Variants in SMAD1 observed in about 807,000 individuals in gnomAD.
SMAD1 encodes MAD, mothers against decapentaplegic homolog 1.
Under a neutral mutation model 41.6 loss-of-function variants are expected in SMAD1, and 6 were observed. That is an observed-to-expected ratio of 0.14 (90% CI 0.08 to 0.28). The LOEUF (loss-of-function observed/expected upper bound fraction) is 0.28, where lower values mean the gene tolerates loss of function less well. Among genes scored for constraint, SMAD1 ranks in the 10% least tolerant of loss-of-function variants. The probability of loss-of-function intolerance (pLI) is 1.00; values close to 1 mark genes in which losing one functional copy is unlikely to be tolerated. For missense variants in SMAD1, 379 were observed against 582.6 expected (o/e 0.65, Z 3.60); for synonymous variants, 206 against 203.2 (o/e 1.01, Z -0.12).
chr4:145,522,154 G>T lies in SMAD1; in HGVS notation c.400+7141G>T, dbSNP rs961741280. On this transcript the variant is annotated intron_variant, in intron 2 of 6. Transcript: ENST00000302085. The stretch of plus-strand genomic sequence containing the variant: ...TGCTAAAAATACAAAAAAAAAATTA[G>T]CCGGGCGAGGTGGCGGGCGCCTGTA... 2.6e-5 allele frequency among the ~76,000 whole-genome samples: 4 copies of T among 151,424 alleles called. 1 individual carries two copies. The highest frequency in any genetic ancestry group is 1.3e-4 in the Admixed American group (2 of 15,200).
chr4:145,519,253 G>A (rs1184476649), intron 2 of SMAD1, among the ~76,000 whole-genome samples: 1 of 69,890 alleles, frequency 1.4e-5, no homozygotes, highest in Non-Finnish European at 5.4e-5. Flanking sequence ...GCATCACCAC[G>A]CCCAGCTAAT....
rs141611793 is a variant in SMAD1, at chr4:145,557,666, G to A, written c.1255-125G>A. On this transcript the variant is annotated intron_variant, in intron 6 of 6. Coordinates refer to ENST00000302085, the MANE Select transcript of SMAD1 (RefSeq NM_005900.3). The stretch of plus-strand genomic sequence containing the variant: ...TGTGTGTTTTTTTCTCCCCAGGGGC[G>A]GGGGGGTCAGGGAGGAAAGATGCAT... 0.012 allele frequency: 7,287 copies of A among 626,164 alleles called. 70 individuals carry two copies. Among genetic ancestry groups the A allele is most frequent in the Non-Finnish European group, 0.015 (5,751 of 386,146 alleles). The allele number at this position is 626,164 out of a possible 1,614,324, so 38.8% of individuals were successfully genotyped here.
At position 145,546,799 on chromosome 4, in the gene SMAD1, C is replaced by G. The variant is rs376805776; in HGVS notation, c.872C>G (p.Ser291Cys). 1.2e-6 allele frequency: 2 copies of G among 1,614,110 alleles called. No homozygotes were observed. Among genetic ancestry groups the G allele is most frequent in the South Asian group, 2.2e-5 (2 of 91,084 alleles). The change falls in exon 5 of 7, where the codon TCC becomes TGC. Residue 291 changes from serine (S) to cysteine (C), a missense_variant. This residue lies in a region of SMAD1 where 208 missense variants were observed against 210.5 expected (regional missense o/e 0.99). Transcript: ENST00000302085. ...NRVGEAFHAS[S>C]TSVLVDGFTD... ...GTGGGTGAAGCGTTCCATGCCTCCT[C>G]CACAAGTGTGTTGGTGGATGGTTTC...
chr4:145,530,252 T>C (rs775037066), intron 2 of SMAD1, among the ~76,000 whole-genome samples: 7 of 152,030 alleles, frequency 4.6e-5, no homozygotes, highest in Non-Finnish European at 1.0e-4. Flanking sequence ...CAGGGGTGGA[T>C]AGAAAGACCG....
chr4:145,495,433 C>CT (rs1477647459), intron 1 of SMAD1, among the ~76,000 whole-genome samples: 1 of 152,086 alleles, frequency 6.6e-6, no homozygotes, highest in Non-Finnish European at 1.5e-5. Flanking sequence ...AAATTAATAT[C>CT]TTAGCATCTT....
At chr4:145,533,506 C>T (rs1731434929) in intron 2 of SMAD1, among the ~76,000 whole-genome samples, 1 of 151,918 alleles carries the variant, frequency 6.6e-6, no homozygotes, top group Non-Finnish European at 1.5e-5. Flanking sequence ...GGCAACATAG[C>T]GAGACCCTGT....
chr4:145,494,427 A>G (rs1312416747), intron 1 of SMAD1, among the ~76,000 whole-genome samples: 1 of 152,216 alleles, frequency 6.6e-6, no homozygotes, highest in Non-Finnish European at 1.5e-5. Context: ...CTGCTTGTCT[A>G]GTCTAGCATC....
chr4:145,497,735 A>G (rs1380475832), intron 1 of SMAD1: 2 of 152,218 alleles, frequency 1.3e-5, no homozygotes, highest in Non-Finnish European at 2.9e-5. Context: ...GACTAGATTC[A>G]TGGGCACAGG....
chr4:145,555,365 C>T (rs1219375716), intron 6 of SMAD1, among the ~76,000 whole-genome samples: 1 of 152,184 alleles, frequency 6.6e-6, no homozygotes, highest in Non-Finnish European at 1.5e-5. Flanking sequence ...GAAAGAACAG[C>T]TCTTGAGAGT....
chr4:145,552,726 C>T (rs1732618186), intron 5 of SMAD1, among the ~76,000 whole-genome samples: 1 of 152,074 alleles, frequency 6.6e-6, no homozygotes, highest in Non-Finnish European at 1.5e-5. Context: ...TCCTTTCTTC[C>T]CTTTCTAAAA....
chr4:145,537,635 A>G (rs753274004), intron 2 of SMAD1, among the ~76,000 whole-genome samples: 2 of 152,174 alleles, frequency 1.3e-5, no homozygotes, highest in Non-Finnish European at 2.9e-5. Flanking sequence ...GATAAATTGT[A>G]GTTTATATAT....
intron 2 of SMAD1, among the ~76,000 whole-genome samples, 183 bp downstream of exon 2, chr4:145,515,196 G>A (rs1200225950): frequency 1.3e-5 from 2 of 151,386 alleles, no homozygotes; most frequent in Non-Finnish European, 1.5e-5. Flanking sequence ...ATGCAAGAGA[G>A]AAAGCCCCTG....
At chr4:145,521,526 C>T (rs1015243181) in intron 2 of SMAD1, among the ~76,000 whole-genome samples, 2 of 152,166 alleles carry the variant, frequency 1.3e-5, no homozygotes, top group Admixed American at 6.5e-5. Flanking sequence ...ATCCTCTTCA[C>T]CTGTTGACTG....
intron 2 of SMAD1, among the ~76,000 whole-genome samples, chr4:145,529,558 A>G (rs180868222): frequency 2.6e-5 from 4 of 152,302 alleles, no homozygotes; most frequent in South Asian, 4.2e-4. Flanking sequence ...TGCTTTTTCC[A>G]TGACAACATG....
At chr4:145,487,522 A>G (rs1414738537) in intron 1 of SMAD1, among the ~76,000 whole-genome samples, 3 of 151,968 alleles carry the variant, frequency 2.0e-5, no homozygotes. Context: ...TTGACCCTTT[A>G]TTTTCCTTTC....
At chr4:145,505,951 C>T (rs914046985) in intron 1 of SMAD1, among the ~76,000 whole-genome samples, 2 of 151,724 alleles carry the variant, frequency 1.3e-5, no homozygotes, top group African/African-American at 4.8e-5. Flanking sequence ...TCAAGTGATT[C>T]TCTTGCCTCA....
chr4:145,543,848 CATGCAATTT>C (rs1732091263), intron 4 of SMAD1, among the ~76,000 whole-genome samples: 1 of 152,194 alleles, frequency 6.6e-6, no homozygotes, highest in Non-Finnish European at 1.5e-5. Context: ...TGGCATGGGT[CATGCAATTT>C]ATATAATGTT....
At chr4:145,547,098 A>G (rs755504612) in intron 5 of SMAD1, among the ~76,000 whole-genome samples, 174 bp downstream of exon 5, 1 of 152,222 alleles carries the variant, frequency 6.6e-6, no homozygotes, top group African/African-American at 2.4e-5. Context: ...TCTTGCAGTC[A>G]GTGATTTTTG....
At chr4:145,508,268 C>T (rs1315717260) in intron 1 of SMAD1, among the ~76,000 whole-genome samples, 2 of 151,976 alleles carry the variant, frequency 1.3e-5, no homozygotes, top group African/African-American at 2.4e-5. Flanking sequence ...TCATCTCCAG[C>T]GGATTAAACC....
Sources: allele counts gnomAD v4.1 joint callset (sites outside exome capture counted in the v4.1 genomes callset), GRCh38; gene constraint gnomAD v4.1.1; regional missense constraint gnomAD v4.1.1; transcripts MANE v1.5; gene names NCBI Gene and HGNC (gene_info 2026-07-23, HGNC 2026-07-21).